Variants in HYDIN observed in about 807,000 individuals in gnomAD.
HYDIN encodes the protein axonemal central pair apparatus protein HYDIN.
Under a neutral mutation model 403.9 loss-of-function variants are expected in HYDIN, and 132 were observed. The ratio of observed to expected loss-of-function variants is 0.33; its 90% CI spans 0.28 to 0.38. HYDIN has a LOEUF of 0.38. HYDIN is among the 10% of genes least tolerant of loss of function. The pLI is 1.00. For missense variants in HYDIN, 2,827 were observed against 5,009.5 expected, an observed-to-expected ratio of 0.56 and a Z score of 13.15; for synonymous variants, 1,202 against 1,891.7, an observed-to-expected ratio of 0.64 and a Z score of 9.46.
intron 37 of HYDIN, among the ~76,000 whole-genome samples, chr16:70,963,079 G>C (rs891587197): frequency 2.6e-5 from 4 of 151,810 alleles, no homozygotes; most frequent in Non-Finnish European, 5.9e-5. Flanking sequence ...GAGGTCCTTT[G>C]TACATTGCAG....
chr16:70,841,781 G>A (rs1230638511), intron 75 of HYDIN, among the ~76,000 whole-genome samples: 2 of 151,750 alleles, frequency 1.3e-5, no homozygotes, highest in Non-Finnish European at 2.9e-5. Context: ...GATGCCATCT[G>A]CCATGTTACG....
intron 65 of HYDIN, 48 bp from the exon 66 acceptor site, chr16:70,868,836 A>C: frequency 2.6e-6 from 4 of 1,543,482 alleles, no homozygotes; most frequent in Non-Finnish European, 3.5e-6. Flanking sequence ...GATCTTGAGG[A>C]CTCTTGATAC....
intron 1 of HYDIN, among the ~76,000 whole-genome samples, chr16:71,197,162 C>T (rs975388675): frequency 2.6e-5 from 4 of 152,078 alleles, no homozygotes; most frequent in African/African-American, 7.2e-5. Context: ...AATACCTTAT[C>T]GTAAATGTCT....
rs1303102944 is a variant in HYDIN at position 70,804,157 on chromosome 16, A to C, written c.*3423T>G. Among the ~76,000 whole-genome samples the C allele has an allele frequency of 6.6e-6, 1 of 152,226 alleles. No homozygotes were observed. The highest frequency in any genetic ancestry group is 2.4e-5 in the African/African-American group (1 of 41,460). On this transcript the variant is annotated 3_prime_UTR_variant, in exon 86 of 86. Coordinates refer to ENST00000393567, the MANE Select transcript of HYDIN (RefSeq NM_001270974.2). ...AAAGGGAAGAAATGCACCCAATCTC[A>C]AACCAGCCTGGAAGAGGGTTCACAC...
chr16:70,928,179 C>T (rs2077209901), intron 45 of HYDIN, among the ~76,000 whole-genome samples: 1 of 152,130 alleles, frequency 6.6e-6, no homozygotes, highest in African/African-American at 2.4e-5. Context: ...AATTCAAATA[C>T]ATAACTACAT....
At chr16:71,201,402 T>C (rs139923952) in intron 1 of HYDIN, among the ~76,000 whole-genome samples, 6 of 152,346 alleles carry the variant, frequency 3.9e-5, no homozygotes, top group Admixed American at 6.5e-5. Context: ...TATTGGTTTT[T>C]ACTATCCTGC....
intron 84 of HYDIN, among the ~76,000 whole-genome samples, chr16:70,817,755 A>C (rs1412774306): frequency 6.6e-6 from 1 of 151,768 alleles, no homozygotes; most frequent in Non-Finnish European, 1.5e-5. Flanking sequence ...ATTTTATATT[A>C]TTTTGAGATA....
chr16:70,928,355 C>G (rs912674873), intron 45 of HYDIN, among the ~76,000 whole-genome samples: 4 of 152,078 alleles, frequency 2.6e-5, no homozygotes, highest in African/African-American at 9.6e-5. Context: ...ACTCGGGAGG[C>G]TGAGGTGGGA....
chr16:70,836,533 G>A (rs1417766157), intron 77 of HYDIN, among the ~76,000 whole-genome samples: 2 of 152,226 alleles, frequency 1.3e-5, no homozygotes, highest in Non-Finnish European at 2.9e-5. Flanking sequence ...AGTAGAGGCA[G>A]AGAAAAGTAG....
intron 1 of HYDIN, among the ~76,000 whole-genome samples, chr16:71,227,018 C>A (rs980417284): frequency 7.9e-5 from 12 of 152,126 alleles, no homozygotes; most frequent in African/African-American, 2.2e-4. Context: ...ACAATGAGAT[C>A]TAGATCAAAC....
chr16:71,217,248 C>G (rs971548912), intron 1 of HYDIN, among the ~76,000 whole-genome samples: 1 of 152,162 alleles, frequency 6.6e-6, no homozygotes, highest in African/African-American at 2.4e-5. Context: ...CTTATGCACA[C>G]ATTTACCCCC....
intron 35 of HYDIN, among the ~76,000 whole-genome samples, chr16:70,972,815 AAACACATT>A (rs2078770857): frequency 6.6e-6 from 1 of 152,246 alleles, no homozygotes; most frequent in African/African-American, 2.4e-5. Context: ...CCCTGTAATC[AAACACATT>A]AACAGTTGTT....
At chr16:71,080,709 A>C (rs897961157) in intron 12 of HYDIN, among the ~76,000 whole-genome samples, 3 of 133,542 alleles carry the variant, frequency 2.2e-5, no homozygotes, top group Admixed American at 7.8e-5. Flanking sequence ...GAACCTATGA[A>C]TATATTAGGT....
intron 1 of HYDIN, among the ~76,000 whole-genome samples, chr16:71,213,861 CTTGA>C: frequency 6.6e-6 from 1 of 152,148 alleles, no homozygotes; most frequent in East Asian, 1.9e-4. Context: ...AAAAATTTTA[CTTGA>C]TATCAAGAAC....
rs2036986285 is a variant in HYDIN, at chr16:70,831,511, A to AC, written c.13899+1336_13899+1337insG. ...GGAACAGAGTGAGACTCTGTCTCAG[A>AC]AAAAAAAAAAAAAAAACCAAAAAAA... On this transcript the variant is annotated intron_variant, in intron 80 of 85. Transcript: ENST00000393567. Among the ~76,000 whole-genome samples, 4 of 103,654 alleles carry AC rather than the reference A, an allele frequency of 3.9e-5. No individual in the cohort carries two copies. In the South Asian group the frequency reaches 1.0e-3, roughly 26 times the overall value. 68.0% of individuals were successfully genotyped at this position (103,654 alleles called of 152,430 possible).
In HYDIN at chr16:71,126,473, G is replaced by A. The variant is rs563953404; in HGVS notation, c.1227+3167C>T. On this transcript the variant is annotated intron_variant, in intron 9 of 85. Coordinates refer to ENST00000393567, the MANE Select transcript of HYDIN (RefSeq NM_001270974.2). The stretch of plus-strand genomic sequence containing the variant: ...GGTCAGGAAGGAATCATTGGTGCAC[G>A]CAGCCAGGTGGCTGAGCTGGGCTGA... Among the ~76,000 whole-genome samples, 7 of 152,272 alleles carry A rather than the reference G, an allele frequency of 4.6e-5. No individual in the cohort carries two copies. In the South Asian group the frequency reaches 8.3e-4, roughly 18 times the overall value.
intron 23 of HYDIN, among the ~76,000 whole-genome samples, chr16:71,005,364 C>T (rs1344824503): frequency 2.6e-5 from 4 of 151,966 alleles, no homozygotes; most frequent in Non-Finnish European, 4.4e-5. Context: ...ACCAGCCTCA[C>T]GGAATTAGTG....
At chr16:71,003,291 A>G (rs574142649) in intron 23 of HYDIN, among the ~76,000 whole-genome samples, 9 of 152,340 alleles carry the variant, frequency 5.9e-5, no homozygotes, top group African/African-American at 2.2e-4. Flanking sequence ...TTTAAACTAT[A>G]GATCACTCTG....
intron 47 of HYDIN, among the ~76,000 whole-genome samples, chr16:70,910,405 G>A (rs545406557): frequency 3.0e-4 from 46 of 152,226 alleles, no homozygotes; most frequent in East Asian, 1.5e-3. Flanking sequence ...TGTGAATGCC[G>A]TTAATTCATT....
Sources: gnomAD v4.1 joint callset for allele counts (sites outside exome capture counted in the v4.1 genomes callset) on GRCh38, gnomAD v4.1.1 for gene constraint, MANE v1.5 for transcripts, NCBI Gene and HGNC (gene_info 2026-07-23, HGNC 2026-07-21) for gene names.